Variants in ABLIM1 observed in about 807,000 individuals in gnomAD.
The protein encoded by ABLIM1 is actin binding LIM protein 1, also known as actin-binding LIM protein 1.
ABLIM1 carries 40 observed loss-of-function variants against 107.0 expected under a neutral mutation model. That is an observed-to-expected ratio of 0.37 (90% confidence interval 0.29 to 0.49). The LOEUF (loss-of-function observed/expected upper bound fraction) is 0.49, where lower values mean the gene tolerates loss of function less well. ABLIM1 is among the 20% of genes least tolerant of loss of function. ABLIM1 has a pLI of 0.97. For missense variants in ABLIM1, 857 were observed against 1,008.5 expected, an observed-to-expected ratio of 0.85 and a Z score of 2.04; for synonymous variants, 357 against 357.3, an observed-to-expected ratio of 1.00 and a Z score of 0.01.
At chr10:114,664,510 A>AT (rs766057629) in intron 1 of ABLIM1, among the ~76,000 whole-genome samples, 2 of 151,942 alleles carry the variant, frequency 1.3e-5, no homozygotes, top group Admixed American at 6.6e-5. Flanking sequence ...GTCTTTTTAA[A>AT]TTTTTTTAAC....
Position 114,571,330 on chromosome 10 carries a change from A to G in ABLIM1, c.640T>C (p.Ser214Pro). Residue 214 changes from serine (S) to proline (P), a missense_variant, in exon 4 of 23, where the codon TCG becomes CCG. Transcript: ENST00000533213. ...CLCQLCAQPM[S>P]SSPKETTFSS... is the part of the protein sequence containing the mutation. ...AAGGTGGTTTCTTTCGGACTGGACG[A>G]CATCGGCTGTGCACAGAGTTGACAA... 2 of 1,614,188 alleles carry G rather than the reference A, an allele frequency of 1.2e-6. No homozygotes were observed. Among genetic ancestry groups the G allele is most frequent in the Non-Finnish European group, 1.7e-6 (2 of 1,180,028 alleles).
At chr10:114,450,539 G>A (rs535138284) in intron 14 of ABLIM1, among the ~76,000 whole-genome samples, 2 of 147,078 alleles carry the variant, frequency 1.4e-5, no homozygotes, top group South Asian at 4.2e-4. Flanking sequence ...GAATTCAAGT[G>A]ATTCTCCTGC....
upstream of ABLIM1, among the ~76,000 whole-genome samples, chr10:114,770,943 G>T (rs1232406339): frequency 6.6e-6 from 1 of 152,160 alleles, no homozygotes; most frequent in East Asian, 1.9e-4. Context: ...TGATTCTCAT[G>T]CCTCAGCCTC....
intron 2 of ABLIM1, among the ~76,000 whole-genome samples, chr10:114,581,845 C>T (rs2073420020): frequency 1.3e-5 from 2 of 152,030 alleles, no homozygotes; most frequent in Admixed American, 1.3e-4. Flanking sequence ...CTAATTTACC[C>T]TTAGGCCAAA....
intron 1 of ABLIM1, among the ~76,000 whole-genome samples, chr10:114,607,541 C>A (rs1340598289): frequency 6.6e-6 from 1 of 152,142 alleles, no homozygotes; most frequent in East Asian, 1.9e-4. Context: ...ATGCCCCAGC[C>A]ACATGAGCAA....
In ABLIM1 at chr10:114,488,097, C is replaced by T. The variant is rs2058445442; in HGVS notation, c.983-81G>A. ...TCTGAGACAGCACTTCTGAGAATGGCTCCTATCCCTCTTTCCCCATCATAG... is the reference window on the plus strand; with the variant it reads ...TCTGAGACAGCACTTCTGAGAATGGTTCCTATCCCTCTTTCCCCATCATAG... On this transcript the variant is annotated intron_variant, in intron 7 of 22. Coordinates refer to ENST00000533213, the MANE Select transcript of ABLIM1 (RefSeq NM_002313.7). 9 of 1,390,542 alleles carry T rather than the reference C, an allele frequency of 6.5e-6. No individual in the cohort carries two copies. In the South Asian group the frequency reaches 9.2e-5, roughly 14 times the overall value. The allele number at this position is 1,390,542 out of a possible 1,614,324, so 86.1% of individuals were successfully genotyped here.
chr10:114,545,320 C>T lies in ABLIM1; in HGVS notation c.801-222G>A, dbSNP rs183650532. ...TCTGCGGCTCTCGGTGCCACACAGG[C>T]GAAACAGCCATGTCGCCATATGGTC... is the stretch of plus-strand genomic sequence containing the variant. On this transcript the variant is annotated intron_variant, in intron 5 of 22. Transcript: ENST00000533213. 3.8e-3 allele frequency among the ~76,000 whole-genome samples: 578 copies of T among 152,306 alleles called. 1 individual carries two copies. Among genetic ancestry groups the T allele is most frequent in the African/African-American group, 0.013 (535 of 41,558 alleles).
At chr10:114,775,063 C>T in the ABLIM1 span, among the ~76,000 whole-genome samples, 1 of 152,098 alleles carries the variant, frequency 6.6e-6, no homozygotes, top group South Asian at 2.1e-4. Context: ...GACTTACAAT[C>T]ATGGAGGAAG....
chr10:114,678,479 G>A (rs2080592649), intron 1 of ABLIM1, among the ~76,000 whole-genome samples: 1 of 152,166 alleles, frequency 6.6e-6, no homozygotes, highest in Admixed American at 6.5e-5. Flanking sequence ...GTAGTCTAGG[G>A]CAGTGGTCTG....
At chr10:114,640,639 C>T (rs1201516415) in intron 1 of ABLIM1, among the ~76,000 whole-genome samples, 1 of 152,170 alleles carries the variant, frequency 6.6e-6, no homozygotes, top group Non-Finnish European at 1.5e-5. Flanking sequence ...TACATAACAT[C>T]TATGACCCGT....
chr10:114,571,491 GC>G, intron 3 of ABLIM1, 85 bp from the exon 4 acceptor site: 1 of 1,326,324 alleles, frequency 7.5e-7, no homozygotes, highest in Non-Finnish European at 1.1e-6. Context: ...GCCCTCCGGT[GC>G]CCATTTATTT....
At chr10:114,685,751 A>C (rs1393170469), upstream of ABLIM1, among the ~76,000 whole-genome samples, 1 of 152,202 alleles carries the variant, frequency 6.6e-6, no homozygotes, top group East Asian at 1.9e-4. Flanking sequence ...AAATCTTCTG[A>C]TTACACCTAA....
intron 1 of ABLIM1, among the ~76,000 whole-genome samples, chr10:114,760,361 C>T (rs2142576079): frequency 6.6e-6 from 1 of 151,494 alleles, no homozygotes; most frequent in Admixed American, 6.6e-5. Context: ...ATTACAACCC[C>T]ACTGACTTCT....
intron 1 of ABLIM1, among the ~76,000 whole-genome samples, chr10:114,704,087 TA>T (rs2081357464): frequency 6.6e-6 from 1 of 152,026 alleles, no homozygotes. Context: ...TTATTTTCTT[TA>T]TTTTCTTTTC....
intron 1 of ABLIM1, among the ~76,000 whole-genome samples, chr10:114,631,081 C>T (rs754287443): frequency 1.7e-4 from 26 of 152,132 alleles, no homozygotes; most frequent in Admixed American, 3.9e-4. Context: ...TTTCACTTTC[C>T]CTCCCTATCC....
In ABLIM1 at chr10:114,729,248, C is replaced by T. The variant is rs370188996; in HGVS notation, c.-213+38813G>A. 2.6e-5 allele frequency among the ~76,000 whole-genome samples: 4 copies of T among 152,080 alleles called. No homozygotes were observed. In the East Asian group the frequency reaches 5.8e-4, roughly 22 times the overall value. On this transcript the variant is annotated intron_variant, in intron 1 of 15. Transcript: ENST00000651092. The stretch of plus-strand genomic sequence containing the variant: ...GCCAATGTTCTCCACCATGACGCTC[C>T]ACATCCAGAGGCTTAAATGCATGGA...
At chr10:114,716,410 A>AACACACACACACAC (rs56097544) in intron 1 of ABLIM1, among the ~76,000 whole-genome samples, 35 of 143,626 alleles carry the variant, frequency 2.4e-4, no homozygotes, top group African/African-American at 8.6e-4. Context: ...GGTAGAGAGA[A>AACACACACACACAC]ACACACACAC....
the ABLIM1 span, among the ~76,000 whole-genome samples, chr10:114,788,623 A>C: frequency 6.6e-6 from 1 of 151,942 alleles, no homozygotes; most frequent in African/African-American, 2.4e-5. Flanking sequence ...AGCTACTACA[A>C]AGGCTGAGGC....
At position 114,643,751 on chromosome 10, in the gene ABLIM1, A is replaced by AT. The variant is rs1165264869; in HGVS notation, c.244+14205dup. On this transcript the variant is annotated intron_variant, in intron 1 of 22. Transcript: ENST00000533213. ...ATCATTATATCCAGCTAATTTTTAA[A>AT]TTTTTTTAGAGAGGGAGTCTCACTA... 2.6e-5 allele frequency among the ~76,000 whole-genome samples: 4 copies of AT among 151,646 alleles called. No homozygotes were observed. In the East Asian group the frequency reaches 7.8e-4, roughly 29 times the overall value.
Sources: allele counts gnomAD v4.1 joint callset (sites outside exome capture counted in the v4.1 genomes callset), GRCh38; gene constraint gnomAD v4.1.1; transcripts MANE v1.5; gene names NCBI Gene and HGNC (gene_info 2026-07-23, HGNC 2026-07-21).